Variants in CHCHD6 observed in about 807,000 individuals in gnomAD.
CHCHD6 encodes the protein MICOS complex subunit MIC25.
In CHCHD6, 28 loss-of-function variants were observed where a neutral mutation model predicts 32.3. The observed-to-expected ratio is 0.87, with a 90% CI of 0.64 to 1.19. The LOEUF (loss-of-function observed/expected upper bound fraction) is 1.19, where lower values mean the gene tolerates loss of function less well. Ranked by LOEUF, CHCHD6 falls within the 50% of genes most tolerant of loss-of-function variation. The pLI is 0.00. For missense variants in CHCHD6, 333 were observed against 307.0 expected (o/e 1.08, Z -0.63); for synonymous variants, 122 against 117.5 (o/e 1.04, Z -0.25).
intron 4 of CHCHD6, among the ~76,000 whole-genome samples, chr3:126,842,810 C>CTTTTTT (rs63135461): frequency 5.3e-5 from 5 of 94,658 alleles, no homozygotes; most frequent in African/African-American, 7.5e-5. Context: ...CACTGAAATT[C>CTTTTTT]TTTTTTTTTT....
intron 5 of CHCHD6, among the ~76,000 whole-genome samples, chr3:126,908,940 T>C (rs750783383): frequency 1.3e-4 from 20 of 152,252 alleles, no homozygotes; most frequent in Non-Finnish European, 2.9e-4. Flanking sequence ...AGGTGGGTCC[T>C]GACCCTGCAC....
chr3:126,901,481 A>G (rs1420228747), intron 5 of CHCHD6, among the ~76,000 whole-genome samples: 2 of 152,236 alleles, frequency 1.3e-5, no homozygotes, highest in Non-Finnish European at 2.9e-5. Context: ...CTCTAGAAGT[A>G]CATGGATTCC....
intron 4 of CHCHD6, among the ~76,000 whole-genome samples, chr3:126,784,596 C>G (rs1002106489): frequency 2.6e-5 from 4 of 152,156 alleles, no homozygotes; most frequent in Admixed American, 6.5e-5. Context: ...GCAACAGCAC[C>G]GTCCCACCCT....
intron 5 of CHCHD6, among the ~76,000 whole-genome samples, chr3:126,856,031 T>C (rs1160986191): frequency 6.6e-6 from 1 of 152,138 alleles, no homozygotes; most frequent in Non-Finnish European, 1.5e-5. Context: ...AACCCAGGGG[T>C]GGCCAATCTC....
intron 7 of CHCHD6, among the ~76,000 whole-genome samples, chr3:126,959,455 C>T (rs2078830378): frequency 6.6e-6 from 1 of 152,248 alleles, no homozygotes; most frequent in South Asian, 2.1e-4. Flanking sequence ...GAAACTCTCA[C>T]CACCCTTCGC....
chr3:126,764,036 T>C (rs1937258951), intron 4 of CHCHD6, among the ~76,000 whole-genome samples: 1 of 151,940 alleles, frequency 6.6e-6, no homozygotes, highest in South Asian at 2.1e-4. Context: ...TCTGCTCCCC[T>C]ATTTATGTTA....
chr3:126,817,657 G>T (rs1178429366), intron 4 of CHCHD6, among the ~76,000 whole-genome samples: 1 of 152,154 alleles, frequency 6.6e-6, no homozygotes, highest in Non-Finnish European at 1.5e-5. Context: ...CTCTCCCTCT[G>T]CTGAACCTGA....
intron 4 of CHCHD6, among the ~76,000 whole-genome samples, chr3:126,820,915 C>G (rs1227506866): frequency 6.6e-6 from 1 of 152,196 alleles, no homozygotes; most frequent in East Asian, 1.9e-4. Flanking sequence ...TAACCATTCT[C>G]TAGTTCCAGA....
Position 126,957,509 on chromosome 3 carries a change from C to T in CHCHD6, c.660C>T (p.Asp220=), listed in dbSNP as rs1280545608. ...CGCATGAGGTGCTGCTGTGCTCGGA[C>T]CTGGTCAAGGCATACCAGCGCTGCG... ...DRPHEVLLCS[D]LVKAYQRCVS... is the part of the protein sequence containing the mutation. The change falls in exon 7 of 8, where the codon GAC becomes GAT. Residue 220 remains aspartate (D), a synonymous_variant. Coordinates refer to ENST00000290913, the MANE Select transcript of CHCHD6 (RefSeq NM_032343.3). 1 of 1,592,514 alleles carries T rather than the reference C, an allele frequency of 6.3e-7. No individual in the cohort carries two copies.
chr3:126,906,892 A>G (rs896462259), intron 5 of CHCHD6, among the ~76,000 whole-genome samples: 1 of 152,066 alleles, frequency 6.6e-6, no homozygotes, highest in Non-Finnish European at 1.5e-5. Flanking sequence ...GGGAAGGGGG[A>G]GTCATCATCC....
At chr3:126,769,923 C>CTT (rs1937514017) in intron 4 of CHCHD6, among the ~76,000 whole-genome samples, 2 of 152,178 alleles carry the variant, frequency 1.3e-5, no homozygotes, top group Non-Finnish European at 2.9e-5. Context: ...TTGCTTTGTG[C>CTT]TGTATGGCCA....
At chr3:126,752,972 C>G (rs1936791325) in intron 4 of CHCHD6, among the ~76,000 whole-genome samples, 3 of 152,086 alleles carry the variant, frequency 2.0e-5, no homozygotes, top group African/African-American at 7.2e-5. Context: ...TGCCAGGTAC[C>G]CGAGGTTAAG....
chr3:126,926,344 A>C (rs750959670), intron 6 of CHCHD6, among the ~76,000 whole-genome samples: 5 of 152,234 alleles, frequency 3.3e-5, no homozygotes, highest in African/African-American at 4.8e-5. Flanking sequence ...TCCAATACTT[A>C]TGAACTCAAG....
chr3:126,850,171 C>G (rs975336669), intron 4 of CHCHD6, among the ~76,000 whole-genome samples: 1 of 152,230 alleles, frequency 6.6e-6, no homozygotes, highest in African/African-American at 2.4e-5. Context: ...GGCTTTGTAG[C>G]AGATGAATTA....
At chr3:126,809,205 A>G (rs1939549760) in intron 4 of CHCHD6, among the ~76,000 whole-genome samples, 1 of 152,138 alleles carries the variant, frequency 6.6e-6, no homozygotes, top group Non-Finnish European at 1.5e-5. Flanking sequence ...AACTCCTGGC[A>G]TCAAGTGATC....
chr3:126,918,369 A>G, intron 6 of CHCHD6, among the ~76,000 whole-genome samples: 1 of 152,354 alleles, frequency 6.6e-6, no homozygotes, highest in Non-Finnish European at 1.5e-5. Flanking sequence ...ATACACATGT[A>G]TAGAGTGCCT....
intron 4 of CHCHD6, among the ~76,000 whole-genome samples, chr3:126,733,751 A>T (rs556346028): frequency 6.6e-6 from 1 of 152,374 alleles, no homozygotes; most frequent in South Asian, 2.1e-4. Flanking sequence ...GACTTAGCAC[A>T]TGCTGGCAGA....
chr3:126,774,075 AAG>A (rs1451275897), intron 4 of CHCHD6, among the ~76,000 whole-genome samples: 3 of 152,136 alleles, frequency 2.0e-5, no homozygotes, highest in Non-Finnish European at 2.9e-5. Context: ...CATTCTATTT[AAG>A]AGTTTTATTT....
chr3:126,733,703 G>T (rs1935914714), intron 4 of CHCHD6, among the ~76,000 whole-genome samples: 1 of 152,200 alleles, frequency 6.6e-6, no homozygotes, highest in African/African-American at 2.4e-5. Context: ...TTACACACAG[G>T]ACTGCCCAGG....
Sources: allele counts gnomAD v4.1 joint callset (sites outside exome capture counted in the v4.1 genomes callset), GRCh38; gene constraint gnomAD v4.1.1; transcripts MANE v1.5; gene names NCBI Gene and HGNC (gene_info 2026-07-23, HGNC 2026-07-21).